Variants in RASEF observed in about 807,000 individuals in gnomAD.
RASEF encodes the protein ras and EF-hand domain-containing protein.
In RASEF, 68 loss-of-function variants were observed where a neutral mutation model predicts 90.1. The ratio of observed to expected loss-of-function variants is 0.75; its 90% confidence interval spans 0.62 to 0.92. RASEF has a LOEUF of 0.92. Among genes scored for constraint, RASEF ranks in the 40% least tolerant of loss-of-function variants. The pLI is 0.00. For missense variants in RASEF, 949 were observed against 937.2 expected (o/e 1.01, Z -0.16); for synonymous variants, 331 against 345.2 (o/e 0.96, Z 0.46).
the RASEF span, among the ~76,000 whole-genome samples, chr9:83,142,714 A>C: frequency 6.6e-6 from 1 of 152,262 alleles, no homozygotes; most frequent in African/African-American, 2.4e-5. Context: ...AAGGATGGGA[A>C]CCTGTGTTGG....
chr9:83,058,172 C>CTGTT (rs1554710932), intron 1 of RASEF, among the ~76,000 whole-genome samples: 8 of 57,888 alleles, frequency 1.4e-4, no homozygotes, highest in African/African-American at 3.4e-4. Flanking sequence ...GTATTTATGT[C>CTGTT]TTTTTTTTTT....
the RASEF span, among the ~76,000 whole-genome samples, chr9:83,126,924 G>T: frequency 1.3e-5 from 2 of 152,186 alleles, no homozygotes; most frequent in Admixed American, 1.3e-4. Flanking sequence ...AGCGCTGCTT[G>T]TTTTGCAGAA....
intron 1 of RASEF, chr9:83,055,654 A>T (rs1226903655): frequency 4.2e-6 from 3 of 718,126 alleles, no homozygotes; most frequent in Middle Eastern, 4.6e-4. Flanking sequence ...CACGAACACA[A>T]ATGCAGGTTT....
intron 5 of RASEF, 73 bp from the exon 6 acceptor site, chr9:83,009,829 C>T: frequency 1.2e-6 from 1 of 851,460 alleles, no homozygotes; most frequent in Non-Finnish European, 2.0e-6. Flanking sequence ...GTAAAGTGTC[C>T]TGTCACCCTC....
chr9:83,095,039 C>T, the RASEF span, among the ~76,000 whole-genome samples: 2 of 152,158 alleles, frequency 1.3e-5, no homozygotes, highest in South Asian at 4.1e-4. Context: ...TTCCAATATC[C>T]CGGGAAAGGG....
At chr9:83,084,685 T>C in the RASEF span, among the ~76,000 whole-genome samples, 33 of 152,314 alleles carry the variant, frequency 2.2e-4, no homozygotes, top group East Asian at 3.9e-3. Flanking sequence ...CTACTGGTCC[T>C]TCAAGACTAT....
chr9:83,210,754 A>G, the RASEF span, among the ~76,000 whole-genome samples: 5,066 of 152,314 alleles, frequency 0.033, 287 homozygotes, highest in African/African-American at 0.12. Flanking sequence ...CAAATTTACA[A>G]AATGTTATAG....
In RASEF at chr9:83,062,667, G is replaced by C; in HGVS notation, c.201C>G (p.Phe67Leu). The C allele has an allele frequency of 6.4e-7, 1 of 1,572,310 alleles. No individual in the cohort carries two copies. Among genetic ancestry groups the C allele is most frequent in the Non-Finnish European group, 8.6e-7 (1 of 1,167,366 alleles). ...GGAGGGACCCGAGGAAGCCACGCGC[G>C]AACTCCTGGAAGGTGATGGCGCCGT... ...DRDGAITFQEFARGFLGSLRG... is the reference protein window; with the variant it reads ...DRDGAITFQELARGFLGSLRG... The change falls in exon 1 of 17, where the codon TTC (phenylalanine) becomes TTG (leucine). Residue 67 changes from phenylalanine to leucine, a missense_variant. Around this residue, in one of 3 missense-constraint regions of RASEF, gnomAD observed 656 missense variants for 592.2 expected, o/e 1.11. Transcript: ENST00000376447.
the RASEF span, among the ~76,000 whole-genome samples, chr9:83,158,420 A>G: frequency 6.6e-6 from 1 of 151,666 alleles, no homozygotes; most frequent in Non-Finnish European, 1.5e-5. Flanking sequence ...TAAGAATTTT[A>G]TGAGGGAGAA....
the RASEF span, among the ~76,000 whole-genome samples, chr9:83,118,991 T>C: frequency 2.7e-5 from 4 of 146,168 alleles, no homozygotes; most frequent in Admixed American, 7.0e-5. Flanking sequence ...AGACACTCAA[T>C]TTTTTCTTTT....
At chr9:83,029,544 C>G (rs561409249) in intron 1 of RASEF, among the ~76,000 whole-genome samples, 2 of 150,656 alleles carry the variant, frequency 1.3e-5, no homozygotes, top group Admixed American at 1.3e-4. Flanking sequence ...AGGAGCCCAC[C>G]ACCACACCAA....
chr9:83,085,394 G>A, the RASEF span, among the ~76,000 whole-genome samples: 2 of 152,186 alleles, frequency 1.3e-5, no homozygotes, highest in Non-Finnish European at 2.9e-5. Context: ...AGCACTTTGG[G>A]AGGCCAAGGC....
the RASEF span, among the ~76,000 whole-genome samples, chr9:83,147,566 T>C: frequency 4.6e-3 from 700 of 152,244 alleles, 15 homozygotes; most frequent in Admixed American, 0.04. Flanking sequence ...GTAAGCACTT[T>C]TGGGCTCTGG....
the RASEF span, among the ~76,000 whole-genome samples, chr9:83,091,962 A>G: frequency 7.1e-6 from 1 of 140,182 alleles, no homozygotes; most frequent in Non-Finnish European, 1.5e-5. Flanking sequence ...TCTTACTAAG[A>G]TCCAGCTATG....
chr9:83,091,556 AAAAAAT>A, the RASEF span, among the ~76,000 whole-genome samples: 1 of 152,166 alleles, frequency 6.6e-6, no homozygotes, highest in Non-Finnish European at 1.5e-5. Context: ...CACTGACTGA[AAAAAAT>A]AAAAATAAAA....
At chr9:83,173,157 T>A in the RASEF span, among the ~76,000 whole-genome samples, 1 of 151,966 alleles carries the variant, frequency 6.6e-6, no homozygotes, top group Admixed American at 6.6e-5. Context: ...TCTTTTCAAT[T>A]GCTGTTTTTA....
At chr9:83,199,977 A>G in the RASEF span, among the ~76,000 whole-genome samples, 5 of 152,332 alleles carry the variant, frequency 3.3e-5, no homozygotes, top group East Asian at 9.7e-4. Context: ...GTCTGTTGGT[A>G]TGGAAAGACC....
rs1292882347 is a variant in RASEF at position 83,063,091 on chromosome 9, C to T, written c.-224G>A. On this transcript the variant is annotated 5_prime_UTR_variant, in exon 1 of 17. Coordinates refer to ENST00000376447, the MANE Select transcript of RASEF (RefSeq NM_152573.4). Reference sequence around the variant, plus strand: ...GCCAGCCCCCAACAGGTCCCGGGAGCGGTGGGGTGCGCCCGGGCTCCAGGC... The same window carrying T: ...GCCAGCCCCCAACAGGTCCCGGGAGTGGTGGGGTGCGCCCGGGCTCCAGGC... 1.2e-5 allele frequency: 6 copies of T among 482,260 alleles called. No homozygotes were observed. Among genetic ancestry groups the T allele is most frequent in the African/African-American group, 1.0e-4 (5 of 48,940 alleles). 29.9% of individuals were successfully genotyped at this position (482,260 alleles called of 1,614,324 possible). A position where few individuals can be genotyped will look rare whatever the true frequency, so the allele number is the denominator to read the frequency against.
intron 14 of RASEF, among the ~76,000 whole-genome samples, chr9:82,994,261 G>C (rs1029009392): frequency 2.0e-5 from 3 of 152,164 alleles, no homozygotes; most frequent in African/African-American, 7.2e-5. Context: ...GTTCTTTGAT[G>C]ACCTCAGGAT....
Sources: gnomAD v4.1 joint callset for allele counts (sites outside exome capture counted in the v4.1 genomes callset) on GRCh38, gnomAD v4.1.1 for gene constraint, gnomAD v4.1.1 regional missense constraint, MANE v1.5 for transcripts, NCBI Gene and HGNC (gene_info 2026-07-23, HGNC 2026-07-21) for gene names.